The following GABRB2 variants were observed in gnomAD, a reference collection of about 807,000 sequenced individuals.
GABRB2 encodes gamma-aminobutyric acid type A receptor subunit beta2.
GABRB2 carries 16 observed loss-of-function variants against 54.7 expected under a neutral mutation model. The observed-to-expected ratio is 0.29, with a 90% CI of 0.20 to 0.44. The LOEUF is 0.44. GABRB2 is among the 20% of genes least tolerant of loss of function. The pLI, the probability that GABRB2 is intolerant of heterozygous loss-of-function variation, is 1.00. For synonymous variants in GABRB2, 244 were observed against 233.8 expected, an observed-to-expected ratio of 1.04 and a Z score of -0.40; for missense variants, 355 against 644.0, an observed-to-expected ratio of 0.55 and a Z score of 4.86.
In GABRB2 at chr5:161,442,636, A is replaced by G. The variant is rs1757500340; in HGVS notation, c.458+16988T>C. ...ACTGTCCTGGGGACCCATGGACTCC[A>G]CAGGTGGCAGCCATTCAGTGACCAC... On this transcript the variant is annotated intron_variant, in intron 4 of 9. Coordinates refer to ENST00000393959, the MANE Select transcript of GABRB2 (RefSeq NM_001371727.1). 2.0e-5 allele frequency among the ~76,000 whole-genome samples: 3 copies of G among 152,174 alleles called. No individual in the cohort carries two copies. In the South Asian group the frequency reaches 6.2e-4, roughly 32 times the overall value.
rs185510264 is a variant in GABRB2 at position 161,292,058 on chromosome 5, T to G, written c.*2023A>C. The G allele has an allele frequency of 5.9e-5, 9 of 152,084 alleles. No individual in the cohort carries two copies. In the East Asian group the frequency reaches 1.5e-3, roughly 26 times the overall value. 9.4% of individuals were successfully genotyped at this position (152,084 alleles called of 1,614,324 possible). A position where few individuals can be genotyped will look rare whatever the true frequency, so the allele number is the denominator to read the frequency against. On this transcript the variant is annotated 3_prime_UTR_variant, in exon 10 of 10. Transcript: ENST00000393959. ...TGATACTCAGAGGTGCTCAAGATTA[T>G]GTAATCAAAATATAATGGCCAAGGT...
intron 4 of GABRB2, among the ~76,000 whole-genome samples, chr5:161,415,687 A>C (rs1366858118): frequency 6.6e-6 from 1 of 152,136 alleles, no homozygotes; most frequent in East Asian, 1.9e-4. Context: ...ATCTCAGCTC[A>C]CTGCAACCTC....
At chr5:161,421,278 A>G (rs1238571958) in intron 4 of GABRB2, among the ~76,000 whole-genome samples, 1 of 152,180 alleles carries the variant, frequency 6.6e-6, no homozygotes, top group Non-Finnish European at 1.5e-5. Flanking sequence ...ACTGTGCTAC[A>G]TGATGCAAGC....
At chr5:161,424,841 C>T (rs1036929280) in intron 4 of GABRB2, among the ~76,000 whole-genome samples, 1 of 152,050 alleles carries the variant, frequency 6.6e-6, no homozygotes, top group African/African-American at 2.4e-5. Context: ...AAGAATTCAC[C>T]ATTCTTGATG....
At chr5:161,542,164 C>T (rs1760841072) in intron 3 of GABRB2, among the ~76,000 whole-genome samples, 1 of 152,106 alleles carries the variant, frequency 6.6e-6, no homozygotes, top group Non-Finnish European at 1.5e-5. Context: ...ATGGTGCCCC[C>T]AAACAATTGC....
chr5:161,396,056 G>T (rs1755990981), intron 5 of GABRB2, among the ~76,000 whole-genome samples: 1 of 152,116 alleles, frequency 6.6e-6, no homozygotes, highest in African/African-American at 2.4e-5. Flanking sequence ...TTCTTTGAGT[G>T]GAAATTTTAA....
At chr5:161,401,498 T>C (rs1305402247) in intron 5 of GABRB2, among the ~76,000 whole-genome samples, 1 of 152,064 alleles carries the variant, frequency 6.6e-6, no homozygotes, top group Non-Finnish European at 1.5e-5. Context: ...GGGTAGAAAA[T>C]AGTTATTTGC....
At chr5:161,460,062 A>G (rs1422213725) in intron 3 of GABRB2, among the ~76,000 whole-genome samples, 2 of 152,168 alleles carry the variant, frequency 1.3e-5, no homozygotes, top group East Asian at 3.8e-4. Context: ...CTCCTGCCTC[A>G]GCCTTCCAAG....
At chr5:161,325,458 G>T (rs1299681220) in intron 9 of GABRB2, among the ~76,000 whole-genome samples, 2 of 152,018 alleles carry the variant, frequency 1.3e-5, no homozygotes, top group Non-Finnish European at 2.9e-5. Flanking sequence ...TATCCATTCT[G>T]TCCCCTACCC....
chr5:161,357,518 G>C (rs1170055243), intron 5 of GABRB2, among the ~76,000 whole-genome samples: 1 of 39,186 alleles, frequency 2.6e-5, no homozygotes, highest in Non-Finnish European at 4.6e-5. Flanking sequence ...AGAGTTTTGA[G>C]CAAAAAAAAA....
At chr5:161,304,768 G>A (rs1757632685) in intron 9 of GABRB2, among the ~76,000 whole-genome samples, 1 of 151,666 alleles carries the variant, frequency 6.6e-6, no homozygotes, top group Admixed American at 6.6e-5. Flanking sequence ...CATTCGAATT[G>A]TTACATTTAA....
intron 4 of GABRB2, among the ~76,000 whole-genome samples, chr5:161,458,572 T>C (rs1167375002): frequency 1.3e-5 from 2 of 152,180 alleles, no homozygotes; most frequent in Non-Finnish European, 2.9e-5. Flanking sequence ...ACAAGAAATA[T>C]GTGGAATTGG....
At chr5:161,331,800 G>A (rs920422401) in intron 7 of GABRB2, among the ~76,000 whole-genome samples, 2 of 152,052 alleles carry the variant, frequency 1.3e-5, no homozygotes, top group Admixed American at 6.6e-5. Context: ...AAGCAAGGGG[G>A]CAATTTGCAT....
At chr5:161,360,241 A>T (rs1754769301) in intron 5 of GABRB2, among the ~76,000 whole-genome samples, 1 of 152,234 alleles carries the variant, frequency 6.6e-6, no homozygotes, top group Admixed American at 6.5e-5. Flanking sequence ...TTTAGAAAAA[A>T]AAATGACTGA....
intron 5 of GABRB2, among the ~76,000 whole-genome samples, chr5:161,386,938 T>C (rs970794087): frequency 3.3e-5 from 5 of 151,568 alleles, no homozygotes; most frequent in Admixed American, 2.6e-4. Flanking sequence ...AAATGTATAG[T>C]GTACTTGGGA....
In GABRB2 at chr5:161,358,079, T is replaced by C. The variant is rs73797583; in HGVS notation, c.542-21310A>G. Reference sequence around the variant, plus strand: ...AAGAAGAAGACCAAGAATTAAGCCCTGATGTCTTGTATTAAGAATTCAGGT... The same window carrying C: ...AAGAAGAAGACCAAGAATTAAGCCCCGATGTCTTGTATTAAGAATTCAGGT... On this transcript the variant is annotated intron_variant, in intron 5 of 9. Transcript: ENST00000393959. 4.3e-3 allele frequency among the ~76,000 whole-genome samples: 662 copies of C among 152,308 alleles called. 8 individuals carry two copies. Among genetic ancestry groups the C allele is most frequent in the African/African-American group, 0.014 (586 of 41,572 alleles).
At chr5:161,457,480 A>T (rs1364376640) in intron 4 of GABRB2, among the ~76,000 whole-genome samples, 4 of 136,978 alleles carry the variant, frequency 2.9e-5, no homozygotes, top group African/African-American at 1.1e-4. Context: ...GAGTCTTGCC[A>T]TGTCACCCAG....
intron 9 of GABRB2, among the ~76,000 whole-genome samples, chr5:161,314,376 C>G (rs1757963839): frequency 6.6e-6 from 1 of 152,118 alleles, no homozygotes. Flanking sequence ...TGTTGAGAGG[C>G]AAAGAGACAG....
In GABRB2 at chr5:161,348,273, C is replaced by T. The variant is rs1319726570; in HGVS notation, c.542-11504G>A. 2.6e-5 allele frequency among the ~76,000 whole-genome samples: 4 copies of T among 151,936 alleles called. 1 individual carries two copies. The highest frequency in any genetic ancestry group is 4.2e-4 in the South Asian group (2 of 4,818). On this transcript the variant is annotated intron_variant, in intron 5 of 9. Coordinates refer to ENST00000393959, the MANE Select transcript of GABRB2 (RefSeq NM_001371727.1). ...ATTAATTAATTGAAACCAACAAAAA[C>T]GATCCTATTATCTAATGAATATAAA... is the stretch of plus-strand genomic sequence containing the variant.
Sources: gnomAD v4.1 joint callset for allele counts (sites outside exome capture counted in the v4.1 genomes callset) on GRCh38, gnomAD v4.1.1 for gene constraint, MANE v1.5 for transcripts, NCBI Gene and HGNC (gene_info 2026-07-23, HGNC 2026-07-21) for gene names.